Variants in HSD17B12 observed in about 807,000 individuals in gnomAD.
HSD17B12 encodes very-long-chain 3-oxoacyl-CoA reductase.
In HSD17B12, 32 loss-of-function variants were observed where a neutral mutation model predicts 39.3. The ratio of observed to expected loss-of-function variants is 0.81; its 90% CI spans 0.61 to 1.09. The LOEUF (loss-of-function observed/expected upper bound fraction) is 1.09. Ranked by LOEUF, HSD17B12 falls within the 50% of genes least tolerant of loss-of-function variation. The probability of loss-of-function intolerance (pLI) is 0.00; values close to 1 mark genes in which losing one functional copy is unlikely to be tolerated. For missense variants in HSD17B12, 342 were observed against 382.9 expected, an observed-to-expected ratio of 0.89 and a Z score of 0.89; for synonymous variants, 150 against 146.7, an observed-to-expected ratio of 1.02 and a Z score of -0.16.
At chr11:43,812,420 G>T (rs1439162530) in intron 4 of HSD17B12, among the ~76,000 whole-genome samples, 4 of 152,140 alleles carry the variant, frequency 2.6e-5, no homozygotes, top group African/African-American at 9.7e-5. Context: ...ACTCTAACTG[G>T]GGTAAGATGA....
the HSD17B12 span, among the ~76,000 whole-genome samples, chr11:43,569,038 A>G: frequency 1.3e-5 from 2 of 152,228 alleles, no homozygotes; most frequent in East Asian, 1.9e-4. Context: ...TCATGAAGCC[A>G]TAAATATTTC....
At chr11:43,733,621 T>C (rs1950289042) in intron 1 of HSD17B12, 2 of 390,612 alleles carry the variant, frequency 5.1e-6, no homozygotes, top group South Asian at 4.3e-5. Context: ...CCAAGAAAAA[T>C]AGCAATTTCT....
intron 6 of HSD17B12, among the ~76,000 whole-genome samples, chr11:43,817,014 ATCTATATCTATATCTATATC>A (rs1565099908): frequency 4.2e-4 from 9 of 21,406 alleles, no homozygotes; most frequent in African/African-American, 8.5e-4. Flanking sequence ...CTATATCTAT[ATCTATATCTATATCTATATC>A]TATATCTATA....
At chr11:43,657,562 G>A in the HSD17B12 span, among the ~76,000 whole-genome samples, 2 of 152,102 alleles carry the variant, frequency 1.3e-5, no homozygotes, top group Non-Finnish European at 2.9e-5. Flanking sequence ...TCCATGTTTA[G>A]TGCTTCCTTC....
chr11:43,628,819 A>T, the HSD17B12 span, among the ~76,000 whole-genome samples: 3 of 151,868 alleles, frequency 2.0e-5, no homozygotes, highest in African/African-American at 7.2e-5. Context: ...TTTATAAAAA[A>T]TAATTTTTCA....
chr11:43,810,295 G>A (rs1951057754), intron 4 of HSD17B12, among the ~76,000 whole-genome samples: 1 of 150,158 alleles, frequency 6.7e-6, no homozygotes, highest in Non-Finnish European at 1.5e-5. Flanking sequence ...AGAAGAAACA[G>A]AAATCTTGTA....
the HSD17B12 span, among the ~76,000 whole-genome samples, chr11:43,657,657 A>G: frequency 6.6e-6 from 1 of 152,110 alleles, no homozygotes; most frequent in Non-Finnish European, 1.5e-5. Flanking sequence ...TCCTTCACTT[A>G]TGAAGCTTAG....
At chr11:43,821,640 T>G (rs1320564356) in intron 6 of HSD17B12, among the ~76,000 whole-genome samples, 3 of 152,168 alleles carry the variant, frequency 2.0e-5, no homozygotes, top group Non-Finnish European at 4.4e-5. Context: ...ATGAAATTAT[T>G]GAACTGCTAT....
intron 10 of HSD17B12, 39 bp downstream of exon 10, chr11:43,854,903 G>C: frequency 6.2e-7 from 1 of 1,604,122 alleles, no homozygotes; most frequent in South Asian, 1.1e-5. Context: ...ATACTTTCTG[G>C]CTTGGGGTTT....
At chr11:43,699,013 G>T (rs892563697) in intron 1 of HSD17B12, among the ~76,000 whole-genome samples, 6 of 152,064 alleles carry the variant, frequency 3.9e-5, no homozygotes, top group Non-Finnish European at 7.4e-5. Flanking sequence ...ACCACTAATT[G>T]TATTTTAAAG....
At chr11:43,710,683 G>T (rs1950057012) in intron 1 of HSD17B12, among the ~76,000 whole-genome samples, 1 of 152,152 alleles carries the variant, frequency 6.6e-6, no homozygotes, top group Non-Finnish European at 1.5e-5. Flanking sequence ...TTATATTGAA[G>T]ATGATTTTTA....
intron 4 of HSD17B12, among the ~76,000 whole-genome samples, chr11:43,812,570 T>C (rs1483119385): frequency 6.6e-6 from 1 of 152,224 alleles, no homozygotes; most frequent in African/African-American, 2.4e-5. Context: ...AGTTTTCTTG[T>C]TTTTTAAACT....
chr11:43,648,014 T>TAAA, the HSD17B12 span, among the ~76,000 whole-genome samples: 1 of 152,190 alleles, frequency 6.6e-6, no homozygotes, highest in Admixed American at 6.5e-5. Flanking sequence ...ATGCTGAATG[T>TAAA]AGATTAAAAG....
At chr11:43,783,376 A>G (rs1276246029) in intron 3 of HSD17B12, among the ~76,000 whole-genome samples, 2 of 144,578 alleles carry the variant, frequency 1.4e-5, no homozygotes, top group Non-Finnish European at 3.1e-5. Flanking sequence ...ACTCTTAAAT[A>G]TTATTGAGGA....
At chr11:43,674,381 G>A in the HSD17B12 span, among the ~76,000 whole-genome samples, 45 of 152,320 alleles carry the variant, frequency 3.0e-4, no homozygotes, top group East Asian at 7.5e-3. Flanking sequence ...TATCTGGCAT[G>A]TACTGCTTCA....
chr11:43,804,397 G>A (rs1467057631), intron 4 of HSD17B12, among the ~76,000 whole-genome samples: 2 of 152,102 alleles, frequency 1.3e-5, no homozygotes. Flanking sequence ...CTTTCCATAC[G>A]CATTGCTAAT....
At chr11:43,606,523 T>C in the HSD17B12 span, among the ~76,000 whole-genome samples, 1 of 152,236 alleles carries the variant, frequency 6.6e-6, no homozygotes, top group Non-Finnish European at 1.5e-5. Context: ...CATTAGTGCA[T>C]TTGGCCCTCA....
At chr11:43,796,118 G>T (rs935875359) in intron 3 of HSD17B12, among the ~76,000 whole-genome samples, 1 of 152,150 alleles carries the variant, frequency 6.6e-6, no homozygotes, top group African/African-American at 2.4e-5. Flanking sequence ...GAGGAGCAAC[G>T]GGGAGAGTAG....
chr11:43,648,993 A>G, the HSD17B12 span, among the ~76,000 whole-genome samples: 2 of 152,222 alleles, frequency 1.3e-5, no homozygotes, highest in African/African-American at 4.8e-5. Flanking sequence ...CAGCCTGCCA[A>G]TGTGCTGGGA....
Sources: allele counts gnomAD v4.1 joint callset (sites outside exome capture counted in the v4.1 genomes callset), GRCh38; gene constraint gnomAD v4.1.1; transcripts MANE v1.5; gene names NCBI Gene and HGNC (gene_info 2026-07-23, HGNC 2026-07-21).